Variants in GALNT2 observed in about 807,000 individuals in gnomAD.
GALNT2 encodes the protein polypeptide N-acetylgalactosaminyltransferase 2, also known as UDP-GalNAc:polypeptide N-acetylgalactosaminyltransferase 2.
A neutral mutation model predicts 81.4 loss-of-function variants in GALNT2; 31 were observed. That is an observed-to-expected ratio of 0.38 (90% CI 0.29 to 0.51). The LOEUF (loss-of-function observed/expected upper bound fraction) is 0.51, where lower values mean the gene tolerates loss of function less well. Among genes scored for constraint, GALNT2 ranks in the 20% least tolerant of loss-of-function variants. The pLI is 0.87. For synonymous variants in GALNT2, 303 were observed against 287.4 expected (o/e 1.05, Z -0.55); for missense variants, 629 against 765.7 (o/e 0.82, Z 2.11).
chr1:230,265,085 C>A, intron 13 of GALNT2, 156 bp from the exon 14 acceptor site: 1 of 841,430 alleles, frequency 1.2e-6, no homozygotes, highest in Non-Finnish European at 1.9e-6. Flanking sequence ...GTGTCCCTGA[C>A]ACACACTACC....
Position 230,275,790 on chromosome 1 carries a change from T to TAC in GALNT2, c.1560+1227_1560+1228insCA, listed in dbSNP as rs1666286342. On this transcript the variant is annotated intron_variant, in intron 15 of 15. Transcript: ENST00000366672. The surrounding 1 kb of genome is among the most constrained non-coding windows in gnomAD (Gnocchi z 5.5). ...CATACACCACAGATATATACATATA[T>TAC]ATACATGCCACATATATATACAAAT... is the stretch of plus-strand genomic sequence containing the variant. Among the ~76,000 whole-genome samples the TAC allele has an allele frequency of 6.6e-6, 1 of 151,216 alleles. No individual in the cohort carries two copies. The highest frequency in any genetic ancestry group is 1.5e-5 in the Non-Finnish European group (1 of 67,794).
intron 1 of GALNT2, among the ~76,000 whole-genome samples, chr1:230,113,418 G>A (rs1297280000): frequency 6.6e-6 from 1 of 152,026 alleles, no homozygotes; most frequent in Non-Finnish European, 1.5e-5. Flanking sequence ...GCTGCAGGGC[G>A]GAGCTGCTGT....
chr1:230,128,445 C>T (rs1661263020), intron 1 of GALNT2, among the ~76,000 whole-genome samples: 1 of 152,090 alleles, frequency 6.6e-6, no homozygotes, highest in African/African-American at 2.4e-5. Flanking sequence ...CAGAGCCCAG[C>T]GTCTGCATGG....
At chr1:230,128,501 A>G (rs993712917) in intron 1 of GALNT2, among the ~76,000 whole-genome samples, 4 of 151,332 alleles carry the variant, frequency 2.6e-5, no homozygotes, top group African/African-American at 9.7e-5. Flanking sequence ...TGCACCAGGG[A>G]TGGAGCCACT....
intron 1 of GALNT2, among the ~76,000 whole-genome samples, chr1:230,129,289 G>T (rs1468286896): frequency 6.6e-6 from 1 of 152,130 alleles, no homozygotes; most frequent in African/African-American, 2.4e-5. Flanking sequence ...CTGTTTGTTA[G>T]TGGGGTAGAA....
At chr1:230,155,129 G>C (rs982083422) in intron 1 of GALNT2, among the ~76,000 whole-genome samples, 3 of 152,188 alleles carry the variant, frequency 2.0e-5, no homozygotes, top group Admixed American at 6.5e-5. Flanking sequence ...TCCGCGTGCA[G>C]TTTTCTGCGG....
intron 1 of GALNT2, among the ~76,000 whole-genome samples, chr1:230,092,681 G>A (rs1365814224): frequency 1.3e-5 from 2 of 152,106 alleles, no homozygotes; most frequent in Non-Finnish European, 2.9e-5. Flanking sequence ...TAAATTCTGT[G>A]TCCATTATTC....
chr1:230,141,698 C>T (rs1169546425), intron 1 of GALNT2, among the ~76,000 whole-genome samples: 1 of 151,710 alleles, frequency 6.6e-6, no homozygotes, highest in Non-Finnish European at 1.5e-5. Flanking sequence ...CATTGATGGA[C>T]ACGTGGGTCC....
intron 14 of GALNT2, 135 bp downstream of exon 14, chr1:230,265,502 C>G: frequency 1.7e-6 from 2 of 1,211,268 alleles, no homozygotes; most frequent in Non-Finnish European, 2.4e-6. Flanking sequence ...CTGGCTCCTG[C>G]TGGCCACAGC....
chr1:230,279,399 G>A lies in GALNT2; in HGVS notation c.1657G>A (p.Glu553Lys), dbSNP rs761608167. ...RTAKSGGLSV[E>K]VCGPALSQQW... Reference sequence around the variant, plus strand: ...GGCCAAGAGCGGGGGCCTAAGCGTGGAGGTGTGTGGCCCGGCCCTTTCGCA... The same window carrying A: ...GGCCAAGAGCGGGGGCCTAAGCGTGAAGGTGTGTGGCCCGGCCCTTTCGCA... The change falls in exon 16 of 16, where the codon GAG becomes AAG. Residue 553 changes from glutamate (E) to lysine (K), a missense_variant. By Grantham distance (56) the Glu-to-Lys change is moderately conservative. Coordinates refer to ENST00000366672, the MANE Select transcript of GALNT2 (RefSeq NM_004481.5). This position sits in a 1 kb window ranked among gnomAD's most constrained non-coding sequence, Gnocchi z 4.6. 3 of 1,614,180 alleles carry A rather than the reference G, an allele frequency of 1.9e-6. No individual in the cohort carries two copies. The Admixed American group carries it at 5.0e-5, about 27-fold the overall frequency.
In GALNT2 at chr1:230,139,712, G is replaced by A. The variant is rs182629646; in HGVS notation, c.127-38506G>A. Among the ~76,000 whole-genome samples, 18 of 152,338 alleles carry A rather than the reference G, an allele frequency of 1.2e-4. No homozygotes were observed. The East Asian group carries it at 1.5e-3, about 13-fold the overall frequency. ...AAGGAAAATACAAGCAAAGCACTGC[G>A]AGCGTAATAATTTGCCGTTGCATGG... is the stretch of plus-strand genomic sequence containing the variant. On this transcript the variant is annotated intron_variant, in intron 1 of 15. Coordinates refer to ENST00000366672, the MANE Select transcript of GALNT2 (RefSeq NM_004481.5).
At chr1:230,097,630 T>G (rs1660290085) in intron 1 of GALNT2, among the ~76,000 whole-genome samples, 1 of 152,248 alleles carries the variant, frequency 6.6e-6, no homozygotes, top group East Asian at 1.9e-4. Context: ...TATGTACATG[T>G]GCACATTTTG....
intron 2 of GALNT2, among the ~76,000 whole-genome samples, chr1:230,187,654 G>A (rs1455931431): frequency 2.6e-5 from 4 of 152,186 alleles, no homozygotes; most frequent in South Asian, 2.1e-4. Flanking sequence ...ATTCTCGTCC[G>A]GTGTCCAGGA....
intron 1 of GALNT2, among the ~76,000 whole-genome samples, chr1:230,079,568 A>T (rs1402792537): frequency 6.6e-6 from 1 of 152,272 alleles, no homozygotes; most frequent in Non-Finnish European, 1.5e-5. Flanking sequence ...TTCGTGAAAC[A>T]TCAGGTTACA....
At chr1:230,197,385 C>T (rs954704391) in intron 2 of GALNT2, among the ~76,000 whole-genome samples, 3 of 152,100 alleles carry the variant, frequency 2.0e-5, no homozygotes, top group Non-Finnish European at 2.9e-5. Flanking sequence ...CCCACAGGAC[C>T]CCCATAAAGA....
At chr1:230,141,636 G>A (rs138028397) in intron 1 of GALNT2, among the ~76,000 whole-genome samples, 230 of 152,102 alleles carry the variant, frequency 1.5e-3, no homozygotes, top group African/African-American at 5.3e-3. Flanking sequence ...TCCCTATTTA[G>A]GGCTGAATAT....
At chr1:230,245,978 CTGCCTAATACTAA>C (rs1312380807) in intron 7 of GALNT2, 72 bp from the exon 8 acceptor site, 14 of 1,156,196 alleles carry the variant, frequency 1.2e-5, no homozygotes, top group Non-Finnish European at 1.7e-5. Context: ...TGCCCTGTGC[CTGCCTAATACTAA>C]TGCCTTCTGT....
At chr1:230,152,531 G>A (rs1266793186) in intron 1 of GALNT2, among the ~76,000 whole-genome samples, 2 of 152,168 alleles carry the variant, frequency 1.3e-5, no homozygotes, top group Non-Finnish European at 2.9e-5. Context: ...GGATGGATGG[G>A]CGTGCATGTA....
chr1:230,212,851 T>G (rs1015806843), intron 3 of GALNT2, among the ~76,000 whole-genome samples: 2 of 152,218 alleles, frequency 1.3e-5, no homozygotes, highest in Non-Finnish European at 2.9e-5. Context: ...TTTCCTCTTT[T>G]TTTTTGGTCT....
Sources: allele counts gnomAD v4.1 joint callset (sites outside exome capture counted in the v4.1 genomes callset), GRCh38; gene constraint gnomAD v4.1.1; non-coding constraint Gnocchi (gnomAD v3.1); transcripts MANE v1.5; gene names NCBI Gene and HGNC (gene_info 2026-07-23, HGNC 2026-07-21).